Variants in ITFG1 observed in about 807,000 individuals in gnomAD.
The protein encoded by ITFG1 is integrin alpha FG-GAP repeat containing 1, also known as T-cell immunomodulatory protein.
Under a neutral mutation model 81.8 loss-of-function variants are expected in ITFG1, and 34 were observed. The ratio of observed to expected loss-of-function variants is 0.42; its 90% CI spans 0.32 to 0.55. The LOEUF (loss-of-function observed/expected upper bound fraction) is 0.55. Ranked by LOEUF, ITFG1 falls within the 20% of genes least tolerant of loss-of-function variation. The probability of loss-of-function intolerance (pLI) is 0.17; values close to 1 mark genes in which losing one functional copy is unlikely to be tolerated. For missense variants in ITFG1, 672 were observed against 755.4 expected (o/e 0.89, Z 1.29); for synonymous variants, 285 against 270.6 (o/e 1.05, Z -0.52).
At chr16:47,344,849 C>T (rs1967830221) in intron 8 of ITFG1, among the ~76,000 whole-genome samples, 1 of 152,208 alleles carries the variant, frequency 6.6e-6, no homozygotes, top group African/African-American at 2.4e-5. Context: ...GCTTATTTCA[C>T]TTGACATAAT....
chr16:47,219,038 C>T (rs762043335), intron 13 of ITFG1, 92 bp from the exon 14 acceptor site: 4 of 724,682 alleles, frequency 5.5e-6, no homozygotes, highest in Non-Finnish European at 8.6e-6. Context: ...AAAATTCTTA[C>T]ACAGATGACA....
chr16:47,346,985 A>T (rs1160212112), intron 8 of ITFG1, among the ~76,000 whole-genome samples: 2 of 152,232 alleles, frequency 1.3e-5, no homozygotes, highest in African/African-American at 4.8e-5. Flanking sequence ...TGTCCCTGAT[A>T]AACATAGATC....
intron 6 of ITFG1, among the ~76,000 whole-genome samples, chr16:47,388,489 A>C (rs990736418): frequency 6.6e-6 from 1 of 152,204 alleles, no homozygotes. Flanking sequence ...GAGAATCCCA[A>C]TAAGTTTAAT....
intron 10 of ITFG1, among the ~76,000 whole-genome samples, chr16:47,305,403 T>A (rs1443692910): frequency 6.6e-6 from 1 of 152,036 alleles, no homozygotes; most frequent in Non-Finnish European, 1.5e-5. Context: ...GCACAAAAGA[T>A]ACAAGTTAAA....
intron 6 of ITFG1, among the ~76,000 whole-genome samples, chr16:47,427,221 T>C (rs1002197072): frequency 6.6e-6 from 1 of 152,166 alleles, no homozygotes; most frequent in Non-Finnish European, 1.5e-5. Context: ...GGATGATCTA[T>C]GCTGAGGAAA....
At chr16:47,228,815 T>C (rs1052861440) in intron 13 of ITFG1, among the ~76,000 whole-genome samples, 1 of 152,262 alleles carries the variant, frequency 6.6e-6, no homozygotes, top group Non-Finnish European at 1.5e-5. Flanking sequence ...GTTGTAACAA[T>C]GGAAACAATT....
chr16:47,326,765 A>C (rs1229917242), intron 8 of ITFG1, among the ~76,000 whole-genome samples: 1 of 152,198 alleles, frequency 6.6e-6, no homozygotes, highest in African/African-American at 2.4e-5. Context: ...TCCAACTTAC[A>C]AAGGATGTGA....
intron 4 of ITFG1, among the ~76,000 whole-genome samples, chr16:47,451,990 T>C (rs775377162): frequency 5.9e-5 from 9 of 152,110 alleles, no homozygotes; most frequent in Non-Finnish European, 1.3e-4. Flanking sequence ...CCTAGAAAAA[T>C]AATCCTAGTT....
In ITFG1 at chr16:47,423,299, C is replaced by G. The variant is rs540634388; in HGVS notation, c.655+5505G>C. ...TTCCATTTGCTAGGTAGATTTTCCT[C>G]CATCCCTTTATTTTGAGCCTATGTG... On this transcript the variant is annotated intron_variant, in intron 6 of 17. Coordinates refer to ENST00000320640, the MANE Select transcript of ITFG1 (RefSeq NM_030790.5). 6.4e-4 allele frequency among the ~76,000 whole-genome samples: 93 copies of G among 146,406 alleles called. 1 individual carries two copies. The highest frequency in any genetic ancestry group is 2.1e-3 in the African/African-American group (85 of 39,726).
chr16:47,345,330 T>C (rs1967838232), intron 8 of ITFG1, among the ~76,000 whole-genome samples: 1 of 151,598 alleles, frequency 6.6e-6, no homozygotes, highest in African/African-American at 2.4e-5. Flanking sequence ...AGACAGAGTC[T>C]CACTCTGTCG....
intron 7 of ITFG1, among the ~76,000 whole-genome samples, chr16:47,366,525 C>A (rs1022366713): frequency 6.6e-6 from 1 of 152,178 alleles, no homozygotes; most frequent in African/African-American, 2.4e-5. Flanking sequence ...TTCACTCACT[C>A]TTTCCAAACA....
intron 8 of ITFG1, among the ~76,000 whole-genome samples, chr16:47,364,554 T>C (rs1005688305): frequency 6.6e-6 from 1 of 152,234 alleles, no homozygotes; most frequent in African/African-American, 2.4e-5. Flanking sequence ...GTTATTAATC[T>C]AGCTAATCAA....
intron 6 of ITFG1, among the ~76,000 whole-genome samples, chr16:47,388,562 C>T (rs550705355): frequency 4.1e-4 from 63 of 151,992 alleles, no homozygotes; most frequent in Non-Finnish European, 7.7e-4. Context: ...CTCCAAATGA[C>T]GGAAGAAAAA....
chr16:47,182,235 T>G (rs1965135680), intron 14 of ITFG1, among the ~76,000 whole-genome samples: 1 of 151,100 alleles, frequency 6.6e-6, no homozygotes, highest in African/African-American at 2.4e-5. Context: ...AGTAGGGGAA[T>G]AAAATGGGCA....
intron 6 of ITFG1, among the ~76,000 whole-genome samples, chr16:47,388,499 TG>T (rs1968490580): frequency 6.6e-6 from 1 of 152,136 alleles, no homozygotes. Context: ...ATAAGTTTAA[TG>T]GGTGACTTCT....
chr16:47,203,054 G>GT (rs1322215140), intron 14 of ITFG1, among the ~76,000 whole-genome samples: 1 of 152,132 alleles, frequency 6.6e-6, no homozygotes, highest in Admixed American at 6.5e-5. Flanking sequence ...GTACACCCAT[G>GT]TTTATAGCAG....
At chr16:47,275,107 AAT>A (rs1419884203) in intron 10 of ITFG1, among the ~76,000 whole-genome samples, 1 of 152,054 alleles carries the variant, frequency 6.6e-6, no homozygotes, top group African/African-American at 2.4e-5. Context: ...TGTTATTTTT[AAT>A]AGTTTCCTCT....
chr16:47,441,535 A>C (rs1467723750), intron 5 of ITFG1, among the ~76,000 whole-genome samples: 4 of 152,136 alleles, frequency 2.6e-5, no homozygotes, highest in Non-Finnish European at 2.9e-5. Flanking sequence ...ATACGAAAAT[A>C]AATACACGCA....
chr16:47,359,792 A>G (rs1968086371), intron 8 of ITFG1, among the ~76,000 whole-genome samples: 1 of 152,236 alleles, frequency 6.6e-6, no homozygotes, highest in Admixed American at 6.5e-5. Flanking sequence ...CAAGTCTCAG[A>G]TCAGATGTAA....
Sources: allele counts gnomAD v4.1 joint callset (sites outside exome capture counted in the v4.1 genomes callset), GRCh38; gene constraint gnomAD v4.1.1; transcripts MANE v1.5; gene names NCBI Gene and HGNC (gene_info 2026-07-23, HGNC 2026-07-21).